Variants in UEVLD observed in about 807,000 individuals in gnomAD.
The protein encoded by UEVLD is ubiquitin-conjugating enzyme E2 variant 3.
A neutral mutation model predicts 58.6 loss-of-function variants in UEVLD; 47 were observed. The ratio of observed to expected loss-of-function variants is 0.80; its 90% CI spans 0.63 to 1.02. The LOEUF (loss-of-function observed/expected upper bound fraction) is 1.02. UEVLD is among the 50% of genes least tolerant of loss of function. UEVLD has a pLI of 0.00. For synonymous variants in UEVLD, 197 were observed against 195.3 expected, an observed-to-expected ratio of 1.01 and a Z score of -0.07; for missense variants, 510 against 550.6, an observed-to-expected ratio of 0.93 and a Z score of 0.74.
intron 9 of UEVLD, among the ~76,000 whole-genome samples, chr11:18,542,890 C>CTTTTTTTTTTTTTTTT (rs890676886): frequency 2.9e-4 from 37 of 125,894 alleles, no homozygotes; most frequent in African/African-American, 3.7e-4. Context: ...CTTTTCTTTT[C>CTTTTTTTTTTTTTTTT]TTTTTTTTTT....
At chr11:18,538,651 AATC>A (rs76113684) in intron 9 of UEVLD, among the ~76,000 whole-genome samples, 55,944 of 151,442 alleles carry the variant, frequency 0.37, 10,815 homozygotes, top group East Asian at 0.66. Flanking sequence ...TTGGGTACAC[AATC>A]GAGGAAAATA....
intron 6 of UEVLD, among the ~76,000 whole-genome samples, chr11:18,558,568 G>A (rs893309205): frequency 6.6e-6 from 1 of 152,074 alleles, no homozygotes; most frequent in Non-Finnish European, 1.5e-5. Flanking sequence ...CGGATCACCT[G>A]AGGTCAGGAG....
At chr11:18,541,019 T>A (rs1399119419) in intron 9 of UEVLD, among the ~76,000 whole-genome samples, 1 of 152,246 alleles carries the variant, frequency 6.6e-6, no homozygotes, top group Non-Finnish European at 1.5e-5. Flanking sequence ...TTTTAAATTG[T>A]TCCTCTGAAG....
At chr11:18,544,874 T>A in intron 8 of UEVLD, 78 bp from the exon 9 acceptor site, 2 of 1,114,392 alleles carry the variant, frequency 1.8e-6, no homozygotes, top group Non-Finnish European at 2.4e-6. Flanking sequence ...ATATTTATTA[T>A]TTTAATAAGT....
At chr11:18,544,841 T>C (rs778112747) in intron 8 of UEVLD, 45 bp from the exon 9 acceptor site, 2 of 1,412,396 alleles carry the variant, frequency 1.4e-6, no homozygotes, top group Non-Finnish European at 1.9e-6. Flanking sequence ...TTAAAAAATA[T>C]ATACTTCTAG....
At chr11:18,553,078 C>G (rs1353239806) in intron 7 of UEVLD, among the ~76,000 whole-genome samples, 1 of 149,236 alleles carries the variant, frequency 6.7e-6, no homozygotes, top group African/African-American at 2.5e-5. Flanking sequence ...TCACTTGAAC[C>G]CAGGAGACAG....
At chr11:18,563,587 T>A (rs1852146361) in intron 6 of UEVLD, 1 of 799,832 alleles carries the variant, frequency 1.3e-6, no homozygotes, top group Non-Finnish European at 1.5e-6. Context: ...CATGACCCTG[T>A]CTAAATAAAA....
chr11:18,555,155 G>A (rs758875078), intron 7 of UEVLD, among the ~76,000 whole-genome samples: 4 of 151,790 alleles, frequency 2.6e-5, no homozygotes, highest in Admixed American at 6.6e-5. Context: ...GGCCAGGTGC[G>A]GTGGCTCACG....
intron 10 of UEVLD, among the ~76,000 whole-genome samples, chr11:18,536,094 A>T (rs1284556571): frequency 6.6e-6 from 1 of 152,218 alleles, no homozygotes; most frequent in African/African-American, 2.4e-5. Flanking sequence ...AGATCGCGCC[A>T]CTGCACTCCA....
In UEVLD at chr11:18,578,761, T is replaced by C. The variant is rs1853070454; in HGVS notation, c.90A>G (p.Val30=). The change falls in exon 2 of 12, where the codon GTA becomes GTG. Residue 30 remains valine (V), a synonymous_variant. Coordinates refer to ENST00000396197, the MANE Select transcript of UEVLD (RefSeq NM_001040697.4). ...TGGAATATTTGAAATGTGGGAAAAA[T>C]ACATTTACATTCCTTAGTTCTTCCA... ...LTVEELRNVN[V]FFPHFKYSMD... 2 of 1,608,286 alleles carry C rather than the reference T, an allele frequency of 1.2e-6. No homozygotes were observed. The highest frequency in any genetic ancestry group is 2.7e-5 in the African/African-American group (2 of 74,706).
At chr11:18,579,299 C>A (rs1014617634) in intron 1 of UEVLD, 5 of 237,116 alleles carry the variant, frequency 2.1e-5, no homozygotes, top group African/African-American at 9.3e-5. Flanking sequence ...TCTATAGGAG[C>A]AGGAGAAGAA....
In UEVLD at chr11:18,534,402, T is replaced by C. The variant is rs55999230; in HGVS notation, c.1176A>G (p.Leu392=). 0.18 allele frequency: 279,425 copies of C among 1,577,030 alleles called. 28,809 individuals are homozygous for C. Among genetic ancestry groups the C allele is most frequent in the East Asian group, 0.44 (18,395 of 41,626 alleles). The change falls in exon 11 of 12, where the codon CTA becomes CTG. Residue 392 remains leucine (L), a synonymous_variant. Coordinates refer to ENST00000396197, the MANE Select transcript of UEVLD (RefSeq NM_001040697.4). ...VKGQRSWSVG[L]SVADMVDSIV... is the part of the protein sequence containing the mutation. Reference sequence around the variant, plus strand: ...TACTGTCAACCATGTCAGCTACTGATAGTCCAACAGACCAGGATCTTTGAC... The same window carrying C: ...TACTGTCAACCATGTCAGCTACTGACAGTCCAACAGACCAGGATCTTTGAC...
chr11:18,581,951 A>T, intron 1 of UEVLD, among the ~76,000 whole-genome samples: 1 of 152,192 alleles, frequency 6.6e-6, no homozygotes, highest in Non-Finnish European at 1.5e-5. Flanking sequence ...CTAAGAAATG[A>T]TCAGTATTAA....
intron 7 of UEVLD, among the ~76,000 whole-genome samples, chr11:18,556,157 G>C (rs1047700496): frequency 2.0e-5 from 3 of 152,182 alleles, no homozygotes; most frequent in African/African-American, 7.2e-5. Context: ...CACACAGGAA[G>C]AAACAATTTC....
chr11:18,581,975 G>C (rs2134069754), intron 1 of UEVLD, among the ~76,000 whole-genome samples: 1 of 152,276 alleles, frequency 6.6e-6, no homozygotes, highest in Non-Finnish European at 1.5e-5. Flanking sequence ...TAACAGACTT[G>C]TTTAGTCTGT....
At chr11:18,572,371 G>A (rs180932423) in intron 3 of UEVLD, among the ~76,000 whole-genome samples, 1 of 152,300 alleles carries the variant, frequency 6.6e-6, no homozygotes, top group East Asian at 1.9e-4. Context: ...TAAACATAAG[G>A]TAATATTAAC....
intron 7 of UEVLD, among the ~76,000 whole-genome samples, chr11:18,551,280 G>A (rs936110327): frequency 2.6e-5 from 4 of 151,880 alleles, no homozygotes; most frequent in African/African-American, 4.8e-5. Flanking sequence ...GAAATTAGCC[G>A]GGCGTGGTGA....
chr11:18,544,517 AG>A lies in UEVLD; in HGVS notation c.1060+105del. ...GAGATGGGGTCTTGCTATGTTGCCC[AG>A]GCTGGTCTTGAAGTCCTGGCTTCAA... On this transcript the variant is annotated intron_variant, in intron 9 of 11. Coordinates refer to ENST00000396197, the MANE Select transcript of UEVLD (RefSeq NM_001040697.4). The A allele has an allele frequency of 4.1e-6, 5 of 1,216,864 alleles. No homozygotes were observed. In the South Asian group the frequency reaches 5.7e-5, roughly 14 times the overall value. The allele number at this position is 1,216,864 out of a possible 1,614,324, so 75.4% of individuals were successfully genotyped here.
intron 1 of UEVLD, among the ~76,000 whole-genome samples, chr11:18,586,573 A>G (rs1361050613): frequency 1.3e-5 from 2 of 151,898 alleles, no homozygotes; most frequent in African/African-American, 2.4e-5. Flanking sequence ...CAGGCTGGCA[A>G]GCAGTGGCAC....
Sources: allele counts gnomAD v4.1 joint callset (sites outside exome capture counted in the v4.1 genomes callset), GRCh38; gene constraint gnomAD v4.1.1; transcripts MANE v1.5; gene names NCBI Gene and HGNC (gene_info 2026-07-23, HGNC 2026-07-21).